C4orf36: variants seen among roughly 807,000 people sequenced by gnomAD.
C4orf36 encodes uncharacterized protein C4orf36.
In C4orf36, 11 loss-of-function variants were observed where a neutral mutation model predicts 12.2. That is an observed-to-expected ratio of 0.90 (90% CI 0.57 to 1.49). The LOEUF (loss-of-function observed/expected upper bound fraction) is 1.49. Ranked by LOEUF, C4orf36 falls within the 40% of genes most tolerant of loss-of-function variation. The probability of loss-of-function intolerance (pLI) is 0.00; values close to 1 mark genes in which losing one functional copy is unlikely to be tolerated. For synonymous variants in C4orf36, 54 were observed against 51.3 expected, an observed-to-expected ratio of 1.05 and a Z score of -0.22; for missense variants, 137 against 133.9, an observed-to-expected ratio of 1.02 and a Z score of -0.11.
intron 4 of C4orf36, among the ~76,000 whole-genome samples, chr4:86,876,848 C>T (rs1471993089): frequency 2.6e-5 from 4 of 152,176 alleles, no homozygotes; most frequent in East Asian, 3.8e-4. Context: ...CTCTAGAACC[C>T]AGATCTACTA....
the C4orf36 span, chr4:86,926,308 C>T: frequency 6.6e-6 from 1 of 152,094 alleles, no homozygotes; most frequent in Non-Finnish European, 1.5e-5. Context: ...TTTGAGAGGC[C>T]GAAGAAGAGA....
chr4:86,891,657 G>A, intron 1 of C4orf36, 64 bp from the exon 2 acceptor site: 1 of 1,396,200 alleles, frequency 7.2e-7, no homozygotes, highest in Admixed American at 2.6e-5. Flanking sequence ...CCAAATAATA[G>A]AAAAAAATTC....
chr4:86,901,434 G>A, the C4orf36 span, among the ~76,000 whole-genome samples: 1 of 151,240 alleles, frequency 6.6e-6, no homozygotes, highest in Non-Finnish European at 1.5e-5. Flanking sequence ...TTGAGACGGA[G>A]TCTCTATCTG....
chr4:86,903,977 A>G, the C4orf36 span, among the ~76,000 whole-genome samples: 1 of 152,224 alleles, frequency 6.6e-6, no homozygotes, highest in Non-Finnish European at 1.5e-5. Flanking sequence ...TGGTGCGTTC[A>G]CAAACCTCTA....
At chr4:86,906,403 G>T in the C4orf36 span, among the ~76,000 whole-genome samples, 3 of 152,036 alleles carry the variant, frequency 2.0e-5, no homozygotes, top group African/African-American at 4.8e-5. Context: ...TCAAATATTC[G>T]GATTCAGATA....
the C4orf36 span, among the ~76,000 whole-genome samples, chr4:86,924,066 G>T: frequency 1.3e-5 from 2 of 151,866 alleles, no homozygotes; most frequent in Admixed American, 6.6e-5. Flanking sequence ...TTTGAGACAG[G>T]GTCTCACTCT....
chr4:86,893,451 T>G (rs1235106206), upstream of C4orf36, among the ~76,000 whole-genome samples: 2 of 151,714 alleles, frequency 1.3e-5, no homozygotes, highest in African/African-American at 2.4e-5. Flanking sequence ...CTGGGCGAGG[T>G]GGCGCGCGCC....
chr4:86,908,601 T>A, the C4orf36 span, among the ~76,000 whole-genome samples: 547 of 149,214 alleles, frequency 3.7e-3, 5 homozygotes, highest in African/African-American at 0.013. Context: ...ACACTTACAC[T>A]CTCTCTCTCT....
At chr4:86,928,192 A>G in the C4orf36 span, among the ~76,000 whole-genome samples, 2 of 152,198 alleles carry the variant, frequency 1.3e-5, no homozygotes, top group African/African-American at 4.8e-5. Flanking sequence ...TTAATACTGA[A>G]AGACCCAAAA....
the C4orf36 span, chr4:86,914,423 C>T: frequency 2.2e-5 from 14 of 624,554 alleles, no homozygotes; most frequent in African/African-American, 3.4e-4. Context: ...TTTTTTGAGA[C>T]AGAGTCTGGC....
intron 2 of C4orf36, among the ~76,000 whole-genome samples, chr4:86,888,715 A>G (rs1747277875): frequency 1.3e-5 from 2 of 152,242 alleles, no homozygotes; most frequent in Non-Finnish European, 1.5e-5. Context: ...TCCAAACTAC[A>G]AATTCAAAAT....
chr4:86,880,226 A>T (rs1250271578), intron 4 of C4orf36, among the ~76,000 whole-genome samples: 1 of 152,152 alleles, frequency 6.6e-6, no homozygotes, highest in Non-Finnish European at 1.5e-5. Flanking sequence ...TACTCCCAGC[A>T]CCTTGGGAGG....
chr4:86,903,679 G>C, the C4orf36 span, among the ~76,000 whole-genome samples: 3 of 152,172 alleles, frequency 2.0e-5, no homozygotes, highest in South Asian at 6.2e-4. Flanking sequence ...AGTTGCCGCT[G>C]CTTGCTCTGG....
chr4:86,910,794 A>G, the C4orf36 span, among the ~76,000 whole-genome samples: 1 of 152,086 alleles, frequency 6.6e-6, no homozygotes, highest in African/African-American at 2.4e-5. Context: ...GGCCGGGCAC[A>G]GTGGCTCATG....
At chr4:86,888,046 G>T in intron 3 of C4orf36, 75 bp downstream of exon 3, 1 of 1,558,176 alleles carries the variant, frequency 6.4e-7, no homozygotes, top group Non-Finnish European at 8.7e-7. Flanking sequence ...TAAATACACA[G>T]ATTTAAACAT....
the C4orf36 span, among the ~76,000 whole-genome samples, chr4:86,907,487 AC>A: frequency 6.6e-6 from 1 of 152,096 alleles, no homozygotes; most frequent in Non-Finnish European, 1.5e-5. Flanking sequence ...CTACACATGA[AC>A]CCCTGAACTT....
At chr4:86,919,150 A>AG in the C4orf36 span, among the ~76,000 whole-genome samples, 7 of 126,630 alleles carry the variant, frequency 5.5e-5, no homozygotes, top group Non-Finnish European at 1.0e-4. Flanking sequence ...GAGAGAGAGA[A>AG]ATCCTTTTCT....
At chr4:86,881,032 CAAAA>C (rs35264730) in intron 4 of C4orf36, among the ~76,000 whole-genome samples, 3 of 103,068 alleles carry the variant, frequency 2.9e-5, no homozygotes, top group Non-Finnish European at 3.9e-5. Flanking sequence ...GATTCCGCCT[CAAAA>C]AAAAAAAAAA....
chr4:86,904,900 A>G, the C4orf36 span, among the ~76,000 whole-genome samples: 1 of 152,038 alleles, frequency 6.6e-6, no homozygotes, highest in Non-Finnish European at 1.5e-5. Context: ...CTAACCCCTA[A>G]TGTAATTATA....
Sources: gnomAD v4.1 joint callset for allele counts (sites outside exome capture counted in the v4.1 genomes callset) on GRCh38, gnomAD v4.1.1 for gene constraint, MANE v1.5 for transcripts, NCBI Gene and HGNC (gene_info 2026-07-23, HGNC 2026-07-21) for gene names.